Variants in TNS3 observed in about 807,000 individuals in gnomAD.
TNS3 encodes tensin 3.
TNS3 carries 45 observed loss-of-function variants against 140.9 expected under a neutral mutation model. The ratio of observed to expected loss-of-function variants is 0.32; its 90% CI spans 0.25 to 0.41. TNS3 has a LOEUF of 0.41. Ranked by LOEUF, TNS3 falls within the 10% of genes least tolerant of loss-of-function variation. The pLI is 1.00. For missense variants in TNS3, 1,716 were observed against 1,906.7 expected, an observed-to-expected ratio of 0.90 and a Z score of 1.86; for synonymous variants, 815 against 788.4, an observed-to-expected ratio of 1.03 and a Z score of -0.56.
intron 20 of TNS3, among the ~76,000 whole-genome samples, chr7:47,314,485 G>A (rs1380444603): frequency 6.6e-6 from 1 of 152,184 alleles, no homozygotes; most frequent in Non-Finnish European, 1.5e-5. Flanking sequence ...AAATCGTATA[G>A]TCAAATGCAC....
Position 47,303,541 on chromosome 7 carries a change from G to A in TNS3, c.2866C>T (p.Pro956Ser), listed in dbSNP as rs756149810. ...CCGCTCCCCAGCAGGGAAACCATGG[G>A]CTTGGGGCTGCTCTCCACCCACTGG... ...ERQWVESSPK[P>S]MVSLLGSGRP... The change falls in exon 22 of 31, where the codon CCC becomes TCC. Residue 956 changes from proline to serine, a missense_variant. Transcript: ENST00000311160. 6.2e-7 allele frequency: 1 copy of A among 1,603,246 alleles called. No homozygotes were observed. Among genetic ancestry groups the A allele is most frequent in the South Asian group, 1.1e-5 (1 of 90,262 alleles).
At chr7:47,474,504 CACACACACAACACAGGCATGT>C in intron 4 of TNS3, among the ~76,000 whole-genome samples, 1 of 149,036 alleles carries the variant, frequency 6.7e-6, no homozygotes, top group South Asian at 2.2e-4. Context: ...CAGACATGTA[CACACACACAACACAGGCATGT>C]ACACACACAA....
rs147703111 is a variant in TNS3, at chr7:47,337,817, C to G, written c.2650+6938G>C. Among the ~76,000 whole-genome samples the G allele has an allele frequency of 1.3e-3, 193 of 152,338 alleles. 1 individual carries two copies. The highest frequency in any genetic ancestry group is 4.4e-3 in the African/African-American group (181 of 41,582). ...CCACCTTCCCGACCTCTTACTCCAC[C>G]ACTCTTCTGCCAATCTCCTGTTGCC... On this transcript the variant is annotated intron_variant, in intron 20 of 30. Coordinates refer to ENST00000311160, the MANE Select transcript of TNS3 (RefSeq NM_022748.12).
At chr7:47,561,093 G>A (rs1327899856) in intron 1 of TNS3, among the ~76,000 whole-genome samples, 1 of 152,222 alleles carries the variant, frequency 6.6e-6, no homozygotes, top group African/African-American at 2.4e-5. Context: ...GTGCGACGCT[G>A]GTTGGGCAAA....
At chr7:47,403,455 A>T (rs796560778) in intron 13 of TNS3, 3 of 152,188 alleles carry the variant, frequency 2.0e-5, no homozygotes, top group African/African-American at 7.2e-5. Flanking sequence ...GGTCTATCCC[A>T]CTGGCAGAGA....
chr7:47,426,565 A>T (rs543255169), intron 9 of TNS3, among the ~76,000 whole-genome samples: 1 of 152,296 alleles, frequency 6.6e-6, no homozygotes, highest in East Asian at 1.9e-4. Context: ...CTTTTTGTGT[A>T]ACATATGTTG....
At chr7:47,373,552 G>A (rs1005213042) in intron 16 of TNS3, among the ~76,000 whole-genome samples, 2 of 152,174 alleles carry the variant, frequency 1.3e-5, no homozygotes, top group South Asian at 2.1e-4. Flanking sequence ...CTGTGGCCTT[G>A]GCTTTTGTCT....
chr7:47,468,841 T>C (rs1372845630), intron 4 of TNS3, among the ~76,000 whole-genome samples: 5 of 152,184 alleles, frequency 3.3e-5, no homozygotes, highest in Admixed American at 6.5e-5. Flanking sequence ...CTTCAAACTA[T>C]ACTACAAGGC....
At chr7:47,392,929 C>A (rs1792612286) in intron 16 of TNS3, among the ~76,000 whole-genome samples, 1 of 152,224 alleles carries the variant, frequency 6.6e-6, no homozygotes, top group Non-Finnish European at 1.5e-5. Flanking sequence ...GTGATGGCAG[C>A]CTCGTGTCTC....
intron 27 of TNS3, among the ~76,000 whole-genome samples, chr7:47,291,168 G>T (rs1015475931): frequency 2.0e-5 from 3 of 152,152 alleles, no homozygotes; most frequent in East Asian, 1.9e-4. Flanking sequence ...GGTTGCTTGG[G>T]GTTGGTGGGG....
chr7:47,447,942 G>A (rs956475748), intron 4 of TNS3, among the ~76,000 whole-genome samples: 1 of 152,226 alleles, frequency 6.6e-6, no homozygotes, highest in Non-Finnish European at 1.5e-5. Flanking sequence ...GAGTCTTTCT[G>A]CACATCTGGG....
At position 47,331,917 on chromosome 7, in the gene TNS3, AG is replaced by A. The variant is rs1331393971; in HGVS notation, c.2650+12837del. On this transcript the variant is annotated intron_variant, in intron 20 of 30. Coordinates refer to ENST00000311160, the MANE Select transcript of TNS3 (RefSeq NM_022748.12). ...CCTGGCCAATGCCTATCTGTTGAGG[AG>A]GTACACTAATCTGGGGGGCACCTTG... 2.6e-5 allele frequency among the ~76,000 whole-genome samples: 4 copies of A among 152,230 alleles called. No homozygotes were observed. The East Asian group carries it at 7.7e-4, about 29-fold the overall frequency.
intron 3 of TNS3, among the ~76,000 whole-genome samples, chr7:47,502,207 C>T (rs892231373): frequency 2.0e-5 from 3 of 152,162 alleles, no homozygotes; most frequent in African/African-American, 7.2e-5. Flanking sequence ...GGTTTTTCAT[C>T]AGACAATGGG....
At chr7:47,436,990 G>T (rs1450001741) in intron 7 of TNS3, among the ~76,000 whole-genome samples, 2 of 152,118 alleles carry the variant, frequency 1.3e-5, no homozygotes, top group Admixed American at 6.6e-5. Flanking sequence ...CCAACTTCCT[G>T]ACCTAGATAT....
chr7:47,379,890 G>A (rs981254908), intron 16 of TNS3, among the ~76,000 whole-genome samples: 7 of 152,190 alleles, frequency 4.6e-5, no homozygotes, highest in Non-Finnish European at 7.3e-5. Flanking sequence ...GCTTGCTCAC[G>A]CTTTCTAAAA....
intron 1 of TNS3, among the ~76,000 whole-genome samples, chr7:47,567,215 T>C (rs1487164379): frequency 6.6e-6 from 1 of 152,158 alleles, no homozygotes; most frequent in South Asian, 2.1e-4. Context: ...GAAATAACAT[T>C]GTCCCTATTT....
chr7:47,524,788 G>A (rs370878908), intron 2 of TNS3, among the ~76,000 whole-genome samples: 8 of 114,458 alleles, frequency 7.0e-5, no homozygotes, highest in African/African-American at 1.4e-4. Context: ...CGGCCTGGGC[G>A]ACAGAGCGAG....
At chr7:47,462,407 T>TGC (rs1796527134) in intron 4 of TNS3, among the ~76,000 whole-genome samples, 1 of 152,206 alleles carries the variant, frequency 6.6e-6, no homozygotes, top group Non-Finnish European at 1.5e-5. Context: ...CATAAGCCAC[T>TGC]GCGCCTGGCC....
intron 17 of TNS3, among the ~76,000 whole-genome samples, chr7:47,356,319 A>T (rs774312404): frequency 2.0e-5 from 3 of 152,220 alleles, no homozygotes; most frequent in Non-Finnish European, 4.4e-5. Context: ...CAGTATTTTT[A>T]AAAACTCCCT....
Sources: allele counts gnomAD v4.1 joint callset (sites outside exome capture counted in the v4.1 genomes callset), GRCh38; gene constraint gnomAD v4.1.1; transcripts MANE v1.5; gene names NCBI Gene and HGNC (gene_info 2026-07-23, HGNC 2026-07-21).